The following RAPGEF6 variants were observed in gnomAD, a reference collection of about 807,000 sequenced individuals.
RAPGEF6 encodes the protein Rap guanine nucleotide exchange factor 6.
In RAPGEF6, 56 loss-of-function variants were observed where a neutral mutation model predicts 171.4. The observed-to-expected ratio is 0.33, with a 90% CI of 0.26 to 0.41. The LOEUF (loss-of-function observed/expected upper bound fraction) is 0.41, where lower values mean the gene tolerates loss of function less well. Ranked by LOEUF, RAPGEF6 falls within the 10% of genes least tolerant of loss-of-function variation. The pLI is 1.00. For missense variants in RAPGEF6, 1,674 were observed against 1,921.4 expected, an observed-to-expected ratio of 0.87 and a Z score of 2.41; for synonymous variants, 692 against 650.1, an observed-to-expected ratio of 1.06 and a Z score of -0.98.
At chr5:131,477,656 A>G (rs1405452703) in intron 16 of RAPGEF6, among the ~76,000 whole-genome samples, 1 of 152,192 alleles carries the variant, frequency 6.6e-6, no homozygotes, top group Non-Finnish European at 1.5e-5. Context: ...AGCTGCCTAA[A>G]ACTTGAGTAC....
At chr5:131,563,079 CCT>C (rs1761706878) in intron 4 of RAPGEF6, among the ~76,000 whole-genome samples, 1 of 149,404 alleles carries the variant, frequency 6.7e-6, no homozygotes, top group African/African-American at 2.5e-5. Flanking sequence ...AAAAAAAAGC[CCT>C]GTCAACTATA....
intron 22 of RAPGEF6, among the ~76,000 whole-genome samples, chr5:131,443,615 C>A (rs1752515638): frequency 1.3e-5 from 2 of 152,274 alleles, no homozygotes; most frequent in Admixed American, 1.3e-4. Flanking sequence ...AATGAAGACC[C>A]AAATCCTTAA....
intron 24 of RAPGEF6, among the ~76,000 whole-genome samples, chr5:131,439,283 C>T (rs968996648): frequency 3.9e-5 from 6 of 152,150 alleles, no homozygotes; most frequent in African/African-American, 1.4e-4. Flanking sequence ...ATATAGGAAA[C>T]TGGAATGATA....
At position 131,462,224 on chromosome 5, in the gene RAPGEF6, G is replaced by T; in HGVS notation, c.2481-136C>A. 3.7e-6 allele frequency: 3 copies of T among 807,814 alleles called. No individual in the cohort carries two copies. The South Asian group carries it at 1.1e-4, about 29-fold the overall frequency. 50.0% of individuals were successfully genotyped at this position (807,814 alleles called of 1,614,324 possible). On this transcript the variant is annotated intron_variant, in intron 18 of 27. Coordinates refer to ENST00000509018, the MANE Select transcript of RAPGEF6 (RefSeq NM_016340.6). Reference sequence around the variant, plus strand: ...AAAAATATTAATTTACAGATAAAATGAAAAGTTAACATTTTAAATGAAAAG... The same window carrying T: ...AAAAATATTAATTTACAGATAAAATTAAAAGTTAACATTTTAAATGAAAAG...
intron 4 of RAPGEF6, among the ~76,000 whole-genome samples, chr5:131,566,047 T>C (rs866517918): frequency 6.6e-6 from 1 of 151,848 alleles, no homozygotes; most frequent in African/African-American, 2.4e-5. Flanking sequence ...CTCGGAAGGT[T>C]GAGGCAGGAG....
chr5:131,529,205 G>T (rs1282219380), intron 6 of RAPGEF6, among the ~76,000 whole-genome samples: 1 of 151,942 alleles, frequency 6.6e-6, no homozygotes, highest in Non-Finnish European at 1.5e-5. Flanking sequence ...GCAGGGCACT[G>T]TGGCTCATGC....
chr5:131,500,599 T>C (rs963846631), intron 11 of RAPGEF6, among the ~76,000 whole-genome samples: 18 of 152,188 alleles, frequency 1.2e-4, no homozygotes, highest in Admixed American at 9.2e-4. Flanking sequence ...TTCCTGCTTT[T>C]TCTTAAATAT....
chr5:131,607,177 C>A (rs981961418), intron 1 of RAPGEF6, among the ~76,000 whole-genome samples: 4 of 152,182 alleles, frequency 2.6e-5, no homozygotes, highest in African/African-American at 9.7e-5. Flanking sequence ...AACCTCTGCC[C>A]CATTCCCCAG....
At chr5:131,598,547 A>C (rs1205900564) in intron 3 of RAPGEF6, among the ~76,000 whole-genome samples, 2 of 152,238 alleles carry the variant, frequency 1.3e-5, no homozygotes, top group East Asian at 1.9e-4. Context: ...AAAATCTCAG[A>C]AGCAGTCAGA....
In RAPGEF6 at chr5:131,506,423, C is replaced by T. The variant is rs115728765; in HGVS notation, c.943-901G>A. ...GGGACTACAAGCATGAGCCACTGCA[C>T]CTGGCCCAAAGAAGATGTATTTTAA... is the stretch of plus-strand genomic sequence containing the variant. On this transcript the variant is annotated intron_variant, in intron 9 of 27. Coordinates refer to ENST00000509018, the MANE Select transcript of RAPGEF6 (RefSeq NM_016340.6). Among the ~76,000 whole-genome samples the T allele has an allele frequency of 1.0e-3, 155 of 152,264 alleles. 1 individual carries two copies. Among genetic ancestry groups the T allele is most frequent in the African/African-American group, 3.2e-3 (132 of 41,544 alleles).
intron 6 of RAPGEF6, among the ~76,000 whole-genome samples, chr5:131,541,019 G>A (rs1022699362): frequency 1.3e-5 from 2 of 152,148 alleles, no homozygotes; most frequent in African/African-American, 2.4e-5. Context: ...AATGTTTACC[G>A]TTATATGCTA....
chr5:131,460,119 T>C (rs1437006255), intron 19 of RAPGEF6, among the ~76,000 whole-genome samples: 1 of 152,096 alleles, frequency 6.6e-6, no homozygotes, highest in South Asian at 2.1e-4. Context: ...GCTATGAAAA[T>C]GTGCAGAACA....
intron 6 of RAPGEF6, among the ~76,000 whole-genome samples, chr5:131,521,891 A>ACTCTCT (rs144983094): frequency 1.6e-5 from 2 of 123,574 alleles, no homozygotes; most frequent in African/African-American, 5.9e-5. Context: ...ACACACACAC[A>ACTCTCT]CTCTCTCTCT....
At chr5:131,451,825 A>T (rs1313026964) in intron 21 of RAPGEF6, among the ~76,000 whole-genome samples, 1 of 152,168 alleles carries the variant, frequency 6.6e-6, no homozygotes, top group East Asian at 1.9e-4. Context: ...GCCCCTGTAC[A>T]TGATTTCATT....
chr5:131,556,618 T>C (rs1761252332), intron 5 of RAPGEF6, among the ~76,000 whole-genome samples: 1 of 152,056 alleles, frequency 6.6e-6, no homozygotes, highest in Non-Finnish European at 1.5e-5. Flanking sequence ...GGGGGAAGAG[T>C]AAATTTTTTC....
At chr5:131,449,028 C>T (rs901584612) in intron 21 of RAPGEF6, among the ~76,000 whole-genome samples, 5 of 152,020 alleles carry the variant, frequency 3.3e-5, no homozygotes, top group African/African-American at 7.2e-5. Context: ...AGGCAAGACT[C>T]GAATAAAGAA....
intron 4 of RAPGEF6, among the ~76,000 whole-genome samples, chr5:131,582,790 A>G (rs553858309): frequency 3.3e-5 from 5 of 152,352 alleles, no homozygotes; most frequent in Non-Finnish European, 7.3e-5. Flanking sequence ...AAATGGGTCA[A>G]AGGCTCAGAG....
rs754932350 is a variant in RAPGEF6, at chr5:131,455,948, C to T, written c.2929G>A (p.Glu977Lys). 1.9e-5 allele frequency: 30 copies of T among 1,613,818 alleles called. No individual in the cohort carries two copies. Among genetic ancestry groups the T allele is most frequent in the Middle Eastern group, 3.3e-4 (2 of 6,076 alleles). ...TCTTGTAGATCTTGAAGATGTTTCT[C>T]GTATTTGCTTGGTAACTTTTCCCAA... ...GTWEKLPSKY[E>K]KHLQDLQDIF... Residue 977 changes from glutamate to lysine, a missense_variant, in exon 20 of 28, where the codon GAG becomes AAG. Transcript: ENST00000509018.
At chr5:131,601,083 C>CAAA (rs34701964) in intron 3 of RAPGEF6, among the ~76,000 whole-genome samples, 3,893 of 134,188 alleles carry the variant, frequency 0.029, 208 homozygotes, top group African/African-American at 0.095. Context: ...AACTCCATTT[C>CAAA]AAAAAAAAAA....
Sources: gnomAD v4.1 joint callset for allele counts (sites outside exome capture counted in the v4.1 genomes callset) on GRCh38, gnomAD v4.1.1 for gene constraint, MANE v1.5 for transcripts, NCBI Gene and HGNC (gene_info 2026-07-23, HGNC 2026-07-21) for gene names.